The following C1QTNF7 variants were observed in gnomAD, a reference collection of about 807,000 sequenced individuals.
C1QTNF7 encodes C1q and TNF related 7, also known as complement C1q tumor necrosis factor-related protein 7.
Under a neutral mutation model 19.6 loss-of-function variants are expected in C1QTNF7, and 15 were observed. The observed-to-expected ratio is 0.76, with a 90% CI of 0.51 to 1.18. The LOEUF (loss-of-function observed/expected upper bound fraction) is 1.18, where lower values mean the gene tolerates loss of function less well. Ranked by LOEUF, C1QTNF7 falls within the 50% of genes most tolerant of loss-of-function variation. C1QTNF7 has a pLI of 0.00. For missense variants in C1QTNF7, 324 were observed against 359.7 expected (o/e 0.90, Z 0.80); for synonymous variants, 142 against 137.5 (o/e 1.03, Z -0.23).
intron 1 of C1QTNF7, among the ~76,000 whole-genome samples, chr4:15,368,794 G>T (rs570825764): frequency 6.6e-6 from 1 of 152,174 alleles, no homozygotes; most frequent in African/African-American, 2.4e-5. Context: ...ATAATCCTTT[G>T]GGTATATACC....
intron 1 of C1QTNF7, among the ~76,000 whole-genome samples, chr4:15,408,872 T>C (rs1485369515): frequency 6.6e-6 from 1 of 152,188 alleles, no homozygotes; most frequent in Non-Finnish European, 1.5e-5. Context: ...ATTCATGTGT[T>C]GAAGCCCTAA....
At chr4:15,371,467 G>C (rs1717721841) in intron 1 of C1QTNF7, among the ~76,000 whole-genome samples, 1 of 152,156 alleles carries the variant, frequency 6.6e-6, no homozygotes, top group Non-Finnish European at 1.5e-5. Flanking sequence ...GTGTCCTAAT[G>C]GCTGGACATA....
At chr4:15,362,383 C>T (rs1167639882) in intron 1 of C1QTNF7, 1 of 152,150 alleles carries the variant, frequency 6.6e-6, no homozygotes, top group Non-Finnish European at 1.5e-5. Context: ...GACCCCTCCC[C>T]TAAGTCTGGC....
At chr4:15,370,396 A>G (rs1717677651) in intron 1 of C1QTNF7, among the ~76,000 whole-genome samples, 1 of 152,204 alleles carries the variant, frequency 6.6e-6, no homozygotes. Context: ...ACTGACACCA[A>G]AGAATAATGT....
intron 1 of C1QTNF7, among the ~76,000 whole-genome samples, chr4:15,421,156 A>G (rs1050754907): frequency 2.9e-4 from 44 of 152,230 alleles, no homozygotes; most frequent in African/African-American, 9.4e-4. Context: ...TAGAAACACC[A>G]AAATGTTCAA....
At chr4:15,423,402 A>G (rs1711883409), upstream of C1QTNF7, among the ~76,000 whole-genome samples, 2 of 152,172 alleles carry the variant, frequency 1.3e-5, no homozygotes, top group Admixed American at 6.5e-5. Context: ...GAGTCACTGA[A>G]TTGCCTTTTT....
intron 1 of C1QTNF7, among the ~76,000 whole-genome samples, chr4:15,340,859 A>G (rs1323152721): frequency 1.3e-5 from 2 of 152,192 alleles, no homozygotes; most frequent in Non-Finnish European, 2.9e-5. Flanking sequence ...AAATAGGGTG[A>G]CTTTGCCTTC....
intron 1 of C1QTNF7, among the ~76,000 whole-genome samples, chr4:15,348,506 C>A (rs184529959): frequency 6.6e-6 from 1 of 152,254 alleles, no homozygotes; most frequent in African/African-American, 2.4e-5. Context: ...CCAGGCAATA[C>A]ACTAAGTCAG....
chr4:15,404,224 T>G (rs969770607), intron 1 of C1QTNF7, among the ~76,000 whole-genome samples: 2 of 152,226 alleles, frequency 1.3e-5, no homozygotes, highest in Non-Finnish European at 2.9e-5. Flanking sequence ...AACCATGAGC[T>G]GCTCCTTCTA....
intron 1 of C1QTNF7, among the ~76,000 whole-genome samples, chr4:15,398,946 T>G (rs1028728075): frequency 3.3e-5 from 5 of 152,154 alleles, no homozygotes; most frequent in Non-Finnish European, 4.4e-5. Context: ...GATTCTTCCC[T>G]TGGGATGGGC....
chr4:15,357,857 G>T (rs543339605), intron 1 of C1QTNF7, among the ~76,000 whole-genome samples: 3 of 152,126 alleles, frequency 2.0e-5, no homozygotes, highest in African/African-American at 7.2e-5. Context: ...TTGTGAATAG[G>T]AGTTCACTCA....
At chr4:15,402,479 T>G (rs550369533) in intron 1 of C1QTNF7, among the ~76,000 whole-genome samples, 1 of 151,976 alleles carries the variant, frequency 6.6e-6, no homozygotes, top group Non-Finnish European at 1.5e-5. Context: ...CAAAACCGAA[T>G]CAAGACTAAG....
At chr4:15,410,233 AT>A (rs1321458917) in intron 1 of C1QTNF7, among the ~76,000 whole-genome samples, 2 of 152,132 alleles carry the variant, frequency 1.3e-5, no homozygotes, top group African/African-American at 2.4e-5. Flanking sequence ...TTTGCATTTA[AT>A]TTTTTTTCTT....
chr4:15,362,541 A>T (rs780681750), intron 1 of C1QTNF7: 1 of 152,252 alleles, frequency 6.6e-6, no homozygotes, highest in Non-Finnish European at 1.5e-5. Context: ...TAATCAAAGA[A>T]GATCATATAT....
chr4:15,437,569 A>G (rs1712586578), intron 2 of C1QTNF7, among the ~76,000 whole-genome samples: 1 of 152,228 alleles, frequency 6.6e-6, no homozygotes, highest in Non-Finnish European at 1.5e-5. Context: ...GTGGATATGC[A>G]TTCAGATTAA....
upstream of C1QTNF7, chr4:15,427,977 G>A: frequency 1.0e-6 from 1 of 956,510 alleles, no homozygotes. Flanking sequence ...ACAACTATTT[G>A]GAAATCTTTG....
Position 15,443,977 on chromosome 4 carries a change from T to C in C1QTNF7, c.*1178T>C, listed in dbSNP as rs1169942850. The C allele has an allele frequency of 6.6e-6, 1 of 152,200 alleles. No homozygotes were observed. Among genetic ancestry groups the C allele is most frequent in the African/African-American group, 2.4e-5 (1 of 41,446 alleles). The allele number at this position is 152,200 out of a possible 1,614,324, so 9.4% of individuals were successfully genotyped here. A position where few individuals can be genotyped will look rare whatever the true frequency, so the allele number is the denominator to read the frequency against. ...AGCCAAATGTCTGAGTAAACAGATA[T>C]CCCTTCCAAGTCTCACACCTCCCTT... On this transcript the variant is annotated 3_prime_UTR_variant, in exon 3 of 3. Transcript: ENST00000444304.
At chr4:15,362,921 TATC>T (rs532749224) in intron 1 of C1QTNF7, among the ~76,000 whole-genome samples, 134 of 152,298 alleles carry the variant, frequency 8.8e-4, no homozygotes, top group Admixed American at 2.9e-3. Context: ...TCATCATCAT[TATC>T]ATTATGATTT....
chr4:15,434,185 A>G (rs1392422964), intron 1 of C1QTNF7, among the ~76,000 whole-genome samples: 1 of 151,710 alleles, frequency 6.6e-6, no homozygotes, highest in Non-Finnish European at 1.5e-5. Flanking sequence ...TTTTTCAACT[A>G]GTAACACCAA....
Sources: gnomAD v4.1 joint callset for allele counts (sites outside exome capture counted in the v4.1 genomes callset) on GRCh38, gnomAD v4.1.1 for gene constraint, MANE v1.5 for transcripts, NCBI Gene and HGNC (gene_info 2026-07-23, HGNC 2026-07-21) for gene names.